Variants in ENOX1 observed in about 807,000 individuals in gnomAD.
The protein encoded by ENOX1 is candidate growth-related and time keeping constitutive hydroquinone (NADH) oxidase.
In ENOX1, 42 loss-of-function variants were observed where a neutral mutation model predicts 82.5. The observed-to-expected ratio is 0.51, with a 90% CI of 0.40 to 0.66. The LOEUF (loss-of-function observed/expected upper bound fraction) is 0.66. Ranked by LOEUF, ENOX1 falls within the 30% of genes least tolerant of loss-of-function variation. The pLI is 0.00. For missense variants in ENOX1, 608 were observed against 811.6 expected (o/e 0.75, Z 3.05); for synonymous variants, 271 against 282.2 (o/e 0.96, Z 0.40).
chr13:43,309,541 A>C (rs1566478755), intron 11 of ENOX1, among the ~76,000 whole-genome samples: 1 of 152,182 alleles, frequency 6.6e-6, no homozygotes, highest in Non-Finnish European at 1.5e-5. Flanking sequence ...TATTTTCGGA[A>C]TTCTCAATAT....
At chr13:43,748,459 T>A (rs1408006666) in intron 1 of ENOX1, among the ~76,000 whole-genome samples, 1 of 152,190 alleles carries the variant, frequency 6.6e-6, no homozygotes, top group Non-Finnish European at 1.5e-5. Context: ...ATGGCCTGAT[T>A]TACGTAATAG....
rs548657174 is a variant in ENOX1 at position 43,744,529 on chromosome 13, G to C, written c.-285+42123C>G. On this transcript the variant is annotated intron_variant, in intron 1 of 16. Coordinates refer to ENST00000690772, the MANE Select transcript of ENOX1 (RefSeq NM_001347969.2). The stretch of plus-strand genomic sequence containing the variant: ...AATGGAATCCTAAAATGGGCTCTTT[G>C]GCAGTCACGTCTAGAGGAATGGAAG... 2.0e-5 allele frequency among the ~76,000 whole-genome samples: 3 copies of C among 152,208 alleles called. No homozygotes were observed. The East Asian group carries it at 5.8e-4, about 29-fold the overall frequency.
intron 1 of ENOX1, among the ~76,000 whole-genome samples, chr13:43,745,456 G>C (rs1028934995): frequency 1.3e-5 from 2 of 152,110 alleles, no homozygotes; most frequent in African/African-American, 4.8e-5. Context: ...TTAGAATTGT[G>C]GACATATCAG....
At chr13:43,729,556 C>T (rs2089210601) in intron 1 of ENOX1, among the ~76,000 whole-genome samples, 1 of 152,088 alleles carries the variant, frequency 6.6e-6, no homozygotes, top group African/African-American at 2.4e-5. Flanking sequence ...TGTTGTGGTA[C>T]TTAAATCTTG....
chr13:43,272,060 T>G (rs554821888), intron 12 of ENOX1, among the ~76,000 whole-genome samples: 291 of 152,308 alleles, frequency 1.9e-3, no homozygotes, highest in African/African-American at 6.8e-3. Flanking sequence ...ATAAGGAAAC[T>G]TTGAAATTCC....
chr13:43,718,202 T>C (rs299332), intron 1 of ENOX1, among the ~76,000 whole-genome samples: 117,522 of 152,130 alleles, frequency 0.77, 48,326 homozygotes, highest in South Asian at 0.93. Flanking sequence ...ACTGCAGCCA[T>C]ACAAAAGTGA....
chr13:43,713,276 G>T (rs901396959), intron 1 of ENOX1, among the ~76,000 whole-genome samples: 3 of 152,300 alleles, frequency 2.0e-5, no homozygotes, highest in African/African-American at 7.2e-5. Context: ...CTTGATCATG[G>T]TGGATGAACT....
chr13:43,499,682 C>T (rs1381484407), intron 2 of ENOX1, among the ~76,000 whole-genome samples: 1 of 151,916 alleles, frequency 6.6e-6, no homozygotes, highest in Admixed American at 6.6e-5. Context: ...CAGACACCAA[C>T]ACAAAGATAC....
intron 5 of ENOX1, among the ~76,000 whole-genome samples, chr13:43,371,618 A>G (rs896010062): frequency 6.6e-6 from 1 of 152,262 alleles, no homozygotes; most frequent in Admixed American, 6.5e-5. Context: ...TTCTGTTTAC[A>G]AAGGCATGTG....
intron 2 of ENOX1, among the ~76,000 whole-genome samples, chr13:43,515,531 T>C (rs959057569): frequency 6.6e-6 from 1 of 152,176 alleles, no homozygotes; most frequent in African/African-American, 2.4e-5. Flanking sequence ...GTTAATTGAT[T>C]AAATTCTCAC....
chr13:43,259,676 A>G (rs2043946596), intron 14 of ENOX1, among the ~76,000 whole-genome samples: 1 of 152,128 alleles, frequency 6.6e-6, no homozygotes, highest in Non-Finnish European at 1.5e-5. Context: ...GGGTTTCACC[A>G]TCTTGGCCAG....
chr13:43,582,377 A>G (rs2080784612), intron 2 of ENOX1, among the ~76,000 whole-genome samples: 1 of 152,182 alleles, frequency 6.6e-6, no homozygotes, highest in Admixed American at 6.5e-5. Context: ...AAACAAAACT[A>G]CAGAAAGCAG....
At chr13:43,704,881 G>C (rs568147203) in intron 1 of ENOX1, among the ~76,000 whole-genome samples, 1 of 152,156 alleles carries the variant, frequency 6.6e-6, no homozygotes, top group East Asian at 1.9e-4. Context: ...CAAATAACTT[G>C]GGCTTTCTAG....
chr13:43,723,776 C>T (rs1274065737), intron 1 of ENOX1, among the ~76,000 whole-genome samples: 2 of 151,924 alleles, frequency 1.3e-5, no homozygotes, highest in African/African-American at 2.4e-5. Flanking sequence ...TGAATCTACA[C>T]ACACACACAC....
chr13:43,743,492 T>C (rs1201084672), intron 1 of ENOX1, among the ~76,000 whole-genome samples: 1 of 152,204 alleles, frequency 6.6e-6, no homozygotes, highest in Non-Finnish European at 1.5e-5. Flanking sequence ...CAGGGGGTTC[T>C]CAGGTATAAA....
intron 2 of ENOX1, among the ~76,000 whole-genome samples, chr13:43,650,936 C>T (rs889104330): frequency 2.6e-5 from 4 of 152,188 alleles, no homozygotes; most frequent in African/African-American, 9.7e-5. Context: ...TCACGTCCCT[C>T]AATCCAACCT....
At chr13:43,292,298 C>A (rs1001291156) in intron 12 of ENOX1, among the ~76,000 whole-genome samples, 2 of 151,976 alleles carry the variant, frequency 1.3e-5, no homozygotes, top group Non-Finnish European at 2.9e-5. Flanking sequence ...AATATGATTA[C>A]CAAGCAGAAA....
intron 3 of ENOX1, among the ~76,000 whole-genome samples, chr13:43,460,905 C>T (rs953068914): frequency 1.7e-4 from 26 of 148,820 alleles, no homozygotes; most frequent in Admixed American, 1.1e-3. Context: ...GGATATGGCA[C>T]GGAAACCTGC....
chr13:43,523,400 C>T (rs1005260627), intron 2 of ENOX1, among the ~76,000 whole-genome samples: 21 of 151,922 alleles, frequency 1.4e-4, no homozygotes, highest in African/African-American at 5.1e-4. Flanking sequence ...AAAACTGCAG[C>T]AACTATAAAA....
Sources: gnomAD v4.1 joint callset for allele counts (sites outside exome capture counted in the v4.1 genomes callset) on GRCh38, gnomAD v4.1.1 for gene constraint, MANE v1.5 for transcripts, NCBI Gene and HGNC (gene_info 2026-07-23, HGNC 2026-07-21) for gene names.